Variants in KCTD5 observed in about 807,000 individuals in gnomAD.
The protein encoded by KCTD5 is BTB/POZ domain-containing protein KCTD5.
A neutral mutation model predicts 27.9 loss-of-function variants in KCTD5; 12 were observed. The observed-to-expected ratio is 0.43, with a 90% CI of 0.28 to 0.70. The LOEUF is 0.70. KCTD5 is among the 30% of genes least tolerant of loss of function. The pLI, the probability that KCTD5 is intolerant of heterozygous loss-of-function variation, is 0.19. For missense variants in KCTD5, 226 were observed against 274.8 expected (o/e 0.82, Z 1.26); for synonymous variants, 147 against 121.4 (o/e 1.21, Z -1.39).
chr16:2,702,242 G>C (rs571170793), intron 4 of KCTD5, 111 bp from the exon 5 acceptor site: 1 of 1,380,260 alleles, frequency 7.2e-7, no homozygotes, highest in South Asian at 1.3e-5. Flanking sequence ...AGCGTCGGCA[G>C]TCTTTGCTGT....
chr16:2,698,756 T>G (rs981975609), intron 3 of KCTD5, among the ~76,000 whole-genome samples: 4 of 152,226 alleles, frequency 2.6e-5, no homozygotes, highest in African/African-American at 9.6e-5. Flanking sequence ...ACCTAGCGAC[T>G]TGCCCAGTTC....
At chr16:2,687,424 T>G (rs2067544600) in intron 1 of KCTD5, among the ~76,000 whole-genome samples, 1 of 152,214 alleles carries the variant, frequency 6.6e-6, no homozygotes, top group South Asian at 2.1e-4. Flanking sequence ...TTTCTGGCCC[T>G]GCAGATACAG....
chr16:2,696,845 C>T (rs1596223403), intron 2 of KCTD5, among the ~76,000 whole-genome samples: 1 of 152,384 alleles, frequency 6.6e-6, no homozygotes, highest in Non-Finnish European at 1.5e-5. Flanking sequence ...CCATGATCCC[C>T]ACTCCTGTCT....
intron 1 of KCTD5, among the ~76,000 whole-genome samples, chr16:2,691,365 C>T (rs992309365): frequency 6.6e-6 from 1 of 152,252 alleles, no homozygotes; most frequent in Admixed American, 6.5e-5. Context: ...GGCCGGAGAG[C>T]TGTGAGGCCA....
At chr16:2,688,385 G>T (rs181828478) in intron 1 of KCTD5, among the ~76,000 whole-genome samples, 3 of 151,708 alleles carry the variant, frequency 2.0e-5, no homozygotes, top group Non-Finnish European at 4.4e-5. Flanking sequence ...CAAGTAGCTG[G>T]GATTACAGGC....
At chr16:2,704,153 T>C (rs570844635) in intron 5 of KCTD5, among the ~76,000 whole-genome samples, 2 of 152,344 alleles carry the variant, frequency 1.3e-5, no homozygotes, top group South Asian at 4.1e-4. Context: ...CAAAAATACC[T>C]GCTCTGAAGT....
At chr16:2,697,112 G>A (rs1401560516) in intron 2 of KCTD5, 1 of 152,474 alleles carries the variant, frequency 6.6e-6, no homozygotes, top group South Asian at 2.1e-4. Flanking sequence ...GCGGGGCCGG[G>A]AAGCCTGTGT....
At chr16:2,703,212 G>A (rs1364542784) in intron 5 of KCTD5, among the ~76,000 whole-genome samples, 2 of 152,160 alleles carry the variant, frequency 1.3e-5, no homozygotes, top group Admixed American at 6.5e-5. Flanking sequence ...CGTTCTTAAG[G>A]TTGAGGCTCC....
intron 5 of KCTD5, among the ~76,000 whole-genome samples, chr16:2,704,378 C>T (rs1022139283): frequency 2.6e-5 from 4 of 152,168 alleles, no homozygotes; most frequent in African/African-American, 4.8e-5. Context: ...CCCTGCTGGG[C>T]AGCTGTCCCC....
chr16:2,695,902 C>CA (rs1244623651), intron 1 of KCTD5, 33 bp from the exon 2 acceptor site: 2 of 275,240 alleles, frequency 7.3e-6, no homozygotes, highest in Admixed American at 6.3e-5. Context: ...TTCGGCTTCT[C>CA]ACGGAGGACT....
In KCTD5 at chr16:2,708,525, G is replaced by T. The variant is rs906111968; in HGVS notation, c.*1198G>T. 2 of 152,256 alleles carry T rather than the reference G, an allele frequency of 1.3e-5. No homozygotes were observed. Among genetic ancestry groups the T allele is most frequent in the African/African-American group, 4.8e-5 (2 of 41,452 alleles). 9.4% of individuals were successfully genotyped at this position (152,256 alleles called of 1,614,324 possible). On this transcript the variant is annotated 3_prime_UTR_variant, in exon 6 of 6. Transcript: ENST00000301738. ...GAACTCCGGCTTCCCAAGGGGTACT[G>T]TGCAGACTGACCACCGGCCTCCCGC...
At chr16:2,689,672 C>T (rs1330729648) in intron 1 of KCTD5, among the ~76,000 whole-genome samples, 2 of 151,564 alleles carry the variant, frequency 1.3e-5, no homozygotes, top group South Asian at 2.1e-4. Context: ...TCCTCACTGC[C>T]GTTTTCTTTT....
At chr16:2,697,853 A>AT in intron 2 of KCTD5, 53 bp from the exon 3 acceptor site, 1 of 1,309,498 alleles carries the variant, frequency 7.6e-7, no homozygotes, top group South Asian at 1.2e-5. Context: ...TAAAGCGTGG[A>AT]TTCTTTGGTT....
chr16:2,687,128 A>G (rs1351275075), intron 1 of KCTD5, among the ~76,000 whole-genome samples: 2 of 152,100 alleles, frequency 1.3e-5, no homozygotes, highest in Admixed American at 6.5e-5. Context: ...TCCTCAGCAA[A>G]CCTGTGCTCA....
intron 1 of KCTD5, chr16:2,683,993 T>C (rs2067529356): frequency 6.7e-6 from 1 of 149,218 alleles, no homozygotes; most frequent in African/African-American, 2.5e-5. Context: ...CTTCCAACTG[T>C]TTCCATTGCT....
chr16:2,686,966 C>T (rs562448944), intron 1 of KCTD5, among the ~76,000 whole-genome samples: 24 of 152,292 alleles, frequency 1.6e-4, no homozygotes, highest in Middle Eastern at 3.4e-3. Context: ...GTGTCTGCGA[C>T]GCTGATGGAC....
chr16:2,697,050 A>T (rs1365052894), intron 2 of KCTD5: 1 of 152,336 alleles, frequency 6.6e-6, no homozygotes, highest in African/African-American at 2.4e-5. Flanking sequence ...TCCCGCCCCG[A>T]TGCAGCCACT....
chr16:2,697,366 T>TGTA, intron 2 of KCTD5: 2 of 154,560 alleles, frequency 1.3e-5, no homozygotes, highest in Non-Finnish European at 2.9e-5. Context: ...GAGCTGGAAG[T>TGTA]GACCCTCTCA....
chr16:2,687,973 A>T (rs538249220), intron 1 of KCTD5, among the ~76,000 whole-genome samples: 4 of 151,880 alleles, frequency 2.6e-5, no homozygotes, highest in African/African-American at 9.7e-5. Flanking sequence ...TCTTCCTTGG[A>T]GTTGGGGAGC....
Sources: allele counts gnomAD v4.1 joint callset (sites outside exome capture counted in the v4.1 genomes callset), GRCh38; gene constraint gnomAD v4.1.1; transcripts MANE v1.5; gene names NCBI Gene and HGNC (gene_info 2026-07-23, HGNC 2026-07-21).